CDH6: variants seen among roughly 807,000 people sequenced by gnomAD.
CDH6 encodes cadherin 6.
In CDH6, 31 loss-of-function variants were observed where a neutral mutation model predicts 78.0. The observed-to-expected ratio is 0.40, with a 90% CI of 0.30 to 0.54. The LOEUF (loss-of-function observed/expected upper bound fraction) is 0.54, where lower values mean the gene tolerates loss of function less well. CDH6 is among the 20% of genes least tolerant of loss of function. The probability of loss-of-function intolerance (pLI) is 0.56; values close to 1 mark genes in which losing one functional copy is unlikely to be tolerated. For missense variants in CDH6, 724 were observed against 975.9 expected, an observed-to-expected ratio of 0.74 and a Z score of 3.44; for synonymous variants, 376 against 368.8, an observed-to-expected ratio of 1.02 and a Z score of -0.23.
chr5:31,260,995 C>T (rs1014550907), intron 1 of CDH6, among the ~76,000 whole-genome samples: 2 of 152,170 alleles, frequency 1.3e-5, no homozygotes, highest in African/African-American at 2.4e-5. Flanking sequence ...CAGGTGGCCA[C>T]CTATTCAAAA....
rs758095623 is a variant in CDH6, at chr5:31,267,501, C to T, written c.28C>T (p.Leu10Phe). The change falls in exon 2 of 12, where the codon CTC (leucine) becomes TTC (phenylalanine). Residue 10 changes from leucine (L) to phenylalanine (F), a missense_variant. By Grantham distance (22) the Leu-to-Phe change is conservative. Transcript: ENST00000265071. ...GAGAACTTACCGCTACTTCTTGCTGCTCTTTTGGGTGGGCCAGCCCTACCC... is the reference window on the plus strand; with the variant it reads ...GAGAACTTACCGCTACTTCTTGCTGTTCTTTTGGGTGGGCCAGCCCTACCC... The part of the protein sequence containing the change: MRTYRYFLL[L>F]FWVGQPYPTL... 5 of 1,613,926 alleles carry T rather than the reference C, an allele frequency of 3.1e-6. No homozygotes were observed. The highest frequency in any genetic ancestry group is 3.3e-5 in the Admixed American group (2 of 60,000).
intron 1 of CDH6, among the ~76,000 whole-genome samples, chr5:31,200,304 C>T (rs1740315203): frequency 6.6e-6 from 1 of 151,962 alleles, no homozygotes; most frequent in Admixed American, 6.6e-5. Context: ...GCTAAAATGA[C>T]ACCTGTTCAT....
chr5:31,291,801 G>C (rs994835468), intron 2 of CDH6, among the ~76,000 whole-genome samples: 8 of 152,146 alleles, frequency 5.3e-5, no homozygotes, highest in African/African-American at 1.9e-4. Context: ...CGTTTCCTTA[G>C]CATATCCCAT....
chr5:31,220,594 T>A (rs1478737330), intron 1 of CDH6, among the ~76,000 whole-genome samples: 3 of 151,880 alleles, frequency 2.0e-5, no homozygotes, highest in African/African-American at 7.3e-5. Flanking sequence ...TACAGTCTCA[T>A]GGAGGAAGGA....
intron 1 of CDH6, among the ~76,000 whole-genome samples, chr5:31,212,096 C>T (rs938129092): frequency 3.9e-5 from 6 of 152,088 alleles, no homozygotes; most frequent in Non-Finnish European, 1.5e-5. Flanking sequence ...CCAAAAGATG[C>T]CCTGTTGGAC....
intron 2 of CDH6, among the ~76,000 whole-genome samples, chr5:31,292,845 A>G (rs1227087692): frequency 0.11 from 238 of 2,118 alleles, 1 homozygote; most frequent in Middle Eastern, 0.5. Context: ...ATATATATAT[A>G]TGTGTGCATA....
At chr5:31,274,764 G>A (rs1742644996) in intron 2 of CDH6, among the ~76,000 whole-genome samples, 1 of 152,236 alleles carries the variant, frequency 6.6e-6, no homozygotes, top group Admixed American at 6.5e-5. Context: ...AGGTTGCAGT[G>A]AGCCGAGATC....
intron 2 of CDH6, among the ~76,000 whole-genome samples, chr5:31,289,416 G>C (rs1357689875): frequency 6.6e-6 from 1 of 152,130 alleles, no homozygotes; most frequent in Non-Finnish European, 1.5e-5. Context: ...GTTGTGAATG[G>C]TGTTATGATA....
At chr5:31,272,449 C>G (rs1178997712) in intron 2 of CDH6, among the ~76,000 whole-genome samples, 1 of 152,144 alleles carries the variant, frequency 6.6e-6, no homozygotes, top group African/African-American at 2.4e-5. Flanking sequence ...CCCTGTAACT[C>G]TCTAGCCTGT....
chr5:31,327,922 A>G lies in CDH6; in HGVS notation c.*4614A>G, dbSNP rs76320158. 466 of 216,418 alleles carry G rather than the reference A, an allele frequency of 2.2e-3. 1 individual carries two copies. The highest frequency in any genetic ancestry group is 9.7e-3 in the African/African-American group (434 of 44,528). The allele number at this position is 216,418 out of a possible 1,614,324, so 13.4% of individuals were successfully genotyped here. A position where few individuals can be genotyped will look rare whatever the true frequency, so the allele number is the denominator to read the frequency against. On this transcript the variant is annotated 3_prime_UTR_variant, in exon 12 of 12. Coordinates refer to ENST00000265071, the MANE Select transcript of CDH6 (RefSeq NM_004932.4). The stretch of plus-strand genomic sequence containing the variant: ...GAAGTTTATGGTCTCTGCATCGTCA[A>G]TTTAATTTAAGCATTGCTGAGACAA...
chr5:31,284,110 C>G (rs142682814), intron 2 of CDH6, among the ~76,000 whole-genome samples: 2 of 152,154 alleles, frequency 1.3e-5, no homozygotes, highest in Non-Finnish European at 2.9e-5. Flanking sequence ...CCACCGTGCC[C>G]AGCCCTATTT....
rs544427203 is a variant in CDH6, at chr5:31,288,962, GA to G, written c.229-4999del. On this transcript the variant is annotated intron_variant, in intron 2 of 11. Coordinates refer to ENST00000265071, the MANE Select transcript of CDH6 (RefSeq NM_004932.4). ...TTGTTTGGATTGTTTTTGTTGGGGG[GA>G]GAGGGGGTTCTTTTATTTAATTTTT... Among the ~76,000 whole-genome samples, 476 of 152,288 alleles carry G rather than the reference GA, an allele frequency of 3.1e-3. 3 individuals are homozygous for G. Among genetic ancestry groups the G allele is most frequent in the African/African-American group, 0.011 (441 of 41,554 alleles).
At chr5:31,219,749 C>A (rs1561028693) in intron 1 of CDH6, among the ~76,000 whole-genome samples, 1 of 152,098 alleles carries the variant, frequency 6.6e-6, no homozygotes, top group Non-Finnish European at 1.5e-5. Context: ...TTCCCAGCAC[C>A]TAGAACAATG....
rs539145358 is a variant in CDH6, at chr5:31,326,999, A to C, written c.*3691A>C. ...GTGAGCCACCGCGCCCGGCCTTAAA[A>C]ATTGAATCTGTAGCTTAGGCCATCC... On this transcript the variant is annotated 3_prime_UTR_variant, in exon 12 of 12. Coordinates refer to ENST00000265071, the MANE Select transcript of CDH6 (RefSeq NM_004932.4). The C allele has an allele frequency of 5.8e-6, 1 of 173,824 alleles. No individual in the cohort carries two copies. The highest frequency in any genetic ancestry group is 2.4e-5 in the African/African-American group (1 of 42,158). The allele number at this position is 173,824 out of a possible 1,614,324, so 10.8% of individuals were successfully genotyped here.
intron 6 of CDH6, 52 bp from the exon 7 acceptor site, chr5:31,305,122 G>C: frequency 6.4e-7 from 1 of 1,556,078 alleles, no homozygotes; most frequent in South Asian, 1.2e-5. Context: ...TTGGCTTTCT[G>C]TGTCTTGGCT....
intron 11 of CDH6, among the ~76,000 whole-genome samples, chr5:31,322,157 C>T (rs1479963133): frequency 6.6e-6 from 1 of 152,088 alleles, no homozygotes; most frequent in Non-Finnish European, 1.5e-5. Context: ...AATAATATGG[C>T]ATGTGGATTC....
chr5:31,277,101 A>G (rs1742720323), intron 2 of CDH6, among the ~76,000 whole-genome samples: 1 of 152,358 alleles, frequency 6.6e-6, no homozygotes, highest in Admixed American at 6.5e-5. Context: ...TGATGCATTA[A>G]CAGCAATTCG....
intron 1 of CDH6, among the ~76,000 whole-genome samples, chr5:31,235,782 G>A (rs1741439911): frequency 6.6e-6 from 1 of 152,044 alleles, no homozygotes; most frequent in South Asian, 2.1e-4. Flanking sequence ...TGAAACACAG[G>A]CAAGAAGCAA....
At chr5:31,260,891 T>G (rs1742195843) in intron 1 of CDH6, among the ~76,000 whole-genome samples, 1 of 152,204 alleles carries the variant, frequency 6.6e-6, no homozygotes, top group Non-Finnish European at 1.5e-5. Context: ...AGACTTCATG[T>G]GAAATCCCTA....
Sources: gnomAD v4.1 joint callset for allele counts (sites outside exome capture counted in the v4.1 genomes callset) on GRCh38, gnomAD v4.1.1 for gene constraint, MANE v1.5 for transcripts, NCBI Gene and HGNC (gene_info 2026-07-23, HGNC 2026-07-21) for gene names.